Variants in LINC00305 observed in about 807,000 individuals in gnomAD.
LINC00305 encodes long intergenic non-protein coding RNA 305.
intron 1 of LINC00305, among the ~76,000 whole-genome samples, chr18:64,129,810 C>G (rs2051401298): frequency 6.6e-6 from 1 of 152,038 alleles, no homozygotes; most frequent in Non-Finnish European, 1.5e-5. Context: ...AGCCATTTCA[C>G]ATGAACATGT....
chr18:64,111,324 A>C (rs1273523521), intron 1 of LINC00305, among the ~76,000 whole-genome samples: 2 of 152,064 alleles, frequency 1.3e-5, no homozygotes, highest in Non-Finnish European at 2.9e-5. Context: ...GAGACTGTAA[A>C]TCTCTTGGCG....
intron 1 of LINC00305, among the ~76,000 whole-genome samples, chr18:64,143,555 TGTGTACATATATAC>T: frequency 4.2e-5 from 1 of 23,572 alleles, no homozygotes; most frequent in Admixed American, 6.5e-4. Context: ...ACACATATTA[TGTGTACATATATAC>T]ACATATGTAT....
intron 1 of LINC00305, among the ~76,000 whole-genome samples, chr18:64,102,936 A>G (rs1252673508): frequency 1.3e-5 from 2 of 152,170 alleles, no homozygotes; most frequent in African/African-American, 4.8e-5. Flanking sequence ...TCTGAACGTG[A>G]GATTTGGTTG....
intron 1 of LINC00305, among the ~76,000 whole-genome samples, chr18:64,123,990 A>G (rs1274988029): frequency 6.6e-6 from 1 of 152,054 alleles, no homozygotes; most frequent in African/African-American, 2.4e-5. Context: ...TTTGGAGGTG[A>G]GGCCCTTACC....
At chr18:64,140,459 T>C (rs1004517064) in intron 1 of LINC00305, among the ~76,000 whole-genome samples, 3 of 152,174 alleles carry the variant, frequency 2.0e-5, no homozygotes, top group Admixed American at 6.5e-5. Context: ...TCCACCAGCA[T>C]TGGCCTCCCG....
chr18:64,148,012 C>T lies in LINC00305; in HGVS notation n.314+763G>A, dbSNP rs141792363. ...ATCATAGGGAACCATCTCGGATGTACGTTCTTAGATGCTGTGCTGACCATG... is the reference window on the plus strand; with the variant it reads ...ATCATAGGGAACCATCTCGGATGTATGTTCTTAGATGCTGTGCTGACCATG... On this transcript the variant is annotated intron_variant and non_coding_transcript_variant, in intron 1 of 3. Coordinates refer to ENST00000666468, the Ensembl canonical transcript of LINC00305. Among the ~76,000 whole-genome samples, 728 of 151,972 alleles carry T rather than the reference C, an allele frequency of 4.8e-3. 7 individuals carry two copies. The highest frequency in any genetic ancestry group is 0.017 in the African/African-American group (703 of 41,476).
chr18:64,123,399 A>C (rs1049254756), intron 1 of LINC00305, among the ~76,000 whole-genome samples: 12 of 152,070 alleles, frequency 7.9e-5, no homozygotes, highest in Admixed American at 5.2e-4. Flanking sequence ...GGAATATTTA[A>C]GACTCATAAA....
chr18:64,105,453 C>T (rs778206473), intron 1 of LINC00305, among the ~76,000 whole-genome samples: 4 of 151,884 alleles, frequency 2.6e-5, no homozygotes, highest in African/African-American at 4.8e-5. Context: ...AGTGAGATTC[C>T]GTCTCAAAAC....
chr18:64,101,627 T>A (rs865974842), intron 1 of LINC00305, among the ~76,000 whole-genome samples: 1 of 152,274 alleles, frequency 6.6e-6, no homozygotes, highest in South Asian at 2.1e-4. Context: ...ATGACTTCAT[T>A]TTAACAGATT....
intron 1 of LINC00305, among the ~76,000 whole-genome samples, chr18:64,138,678 T>C (rs1324129649): frequency 1.3e-5 from 2 of 152,160 alleles, no homozygotes; most frequent in African/African-American, 4.8e-5. Flanking sequence ...GGGGGGCCTA[T>C]TTTTTATTCA....
intron 1 of LINC00305, among the ~76,000 whole-genome samples, chr18:64,099,253 T>C (rs1325815279): frequency 6.6e-6 from 1 of 152,214 alleles, no homozygotes; most frequent in African/African-American, 2.4e-5. Flanking sequence ...TGGTCACATT[T>C]CATACATGTG....
rs140427017 is a variant in LINC00305, at chr18:64,117,474, G to A, written n.315-18834C>T. ...TTCATTTCAGGTGGCTTCAAAATCC[G>A]TGAATTTTATATGTCTTGTGCTATT... On this transcript the variant is annotated intron_variant and non_coding_transcript_variant, in intron 1 of 3. Coordinates refer to ENST00000666468, the Ensembl canonical transcript of LINC00305. Among the ~76,000 whole-genome samples, 1,169 of 152,256 alleles carry A rather than the reference G, an allele frequency of 7.7e-3. 4 individuals are homozygous for A. The highest frequency in any genetic ancestry group is 0.011 in the Non-Finnish European group (737 of 68,020).
intron 1 of LINC00305, among the ~76,000 whole-genome samples, chr18:64,124,260 G>T (rs1355676756): frequency 6.6e-6 from 1 of 152,072 alleles, no homozygotes; most frequent in Non-Finnish European, 1.5e-5. Flanking sequence ...GAACCTAGCT[G>T]GTTGAATGTA....
At chr18:64,109,997 A>G (rs1009787513) in intron 1 of LINC00305, among the ~76,000 whole-genome samples, 4 of 152,116 alleles carry the variant, frequency 2.6e-5, no homozygotes, top group Non-Finnish European at 4.4e-5. Flanking sequence ...TAAGCTCATC[A>G]GCTATCATTA....
Position 64,136,249 on chromosome 18 carries a change from T to A in LINC00305, n.314+12526A>T, listed in dbSNP as rs548819645. On this transcript the variant is annotated intron_variant and non_coding_transcript_variant, in intron 1 of 3. Transcript: ENST00000666468. The stretch of plus-strand genomic sequence containing the variant: ...TAGGTATCTGCCTTCCAAGTACAGA[T>A]GAGGGTTTTCCACACTGGAAAAATC... Among the ~76,000 whole-genome samples the A allele has an allele frequency of 2.6e-5, 4 of 152,338 alleles. No homozygotes were observed. The South Asian group carries it at 8.3e-4, about 32-fold the overall frequency.
At chr18:64,126,620 G>A (rs2051386667) in intron 1 of LINC00305, among the ~76,000 whole-genome samples, 1 of 151,988 alleles carries the variant, frequency 6.6e-6, no homozygotes, top group Non-Finnish European at 1.5e-5. Flanking sequence ...TGGGAATTCT[G>A]AGACTGGCTC....
intron 3 of LINC00305, among the ~76,000 whole-genome samples, chr18:64,093,194 A>G (rs2850718): frequency 0.35 from 53,299 of 152,050 alleles, 11,674 homozygotes; most frequent in African/African-American, 0.62. Context: ...TTAAAAATGT[A>G]TAAGTATCTA....
chr18:64,136,627 C>T (rs1227296877), intron 1 of LINC00305, among the ~76,000 whole-genome samples: 2 of 152,150 alleles, frequency 1.3e-5, no homozygotes, highest in African/African-American at 4.8e-5. Context: ...GGACACAGAG[C>T]CAAACCCTAT....
At chr18:64,133,286 A>T (rs1423519267) in intron 1 of LINC00305, among the ~76,000 whole-genome samples, 1 of 152,190 alleles carries the variant, frequency 6.6e-6, no homozygotes, top group Admixed American at 6.5e-5. Flanking sequence ...CTATTGCATT[A>T]ATTGACTCTA....
Sources: allele counts gnomAD v4.1 joint callset (sites outside exome capture counted in the v4.1 genomes callset), GRCh38; gene constraint gnomAD v4.1.1; transcripts MANE v1.5; gene names NCBI Gene and HGNC (gene_info 2026-07-23, HGNC 2026-07-21).